Variants in IRF2BP2 observed in about 807,000 individuals in gnomAD.
IRF2BP2 encodes interferon regulatory factor 2-binding protein 2.
In IRF2BP2, 13 loss-of-function variants were observed where a neutral mutation model predicts 32.7. That is an observed-to-expected ratio of 0.40 (90% CI 0.26 to 0.63). The LOEUF (loss-of-function observed/expected upper bound fraction) is 0.63, where lower values mean the gene tolerates loss of function less well. IRF2BP2 is among the 30% of genes least tolerant of loss of function. The probability of loss-of-function intolerance (pLI) is 0.42; values close to 1 mark genes in which losing one functional copy is unlikely to be tolerated. For missense variants in IRF2BP2, 980 were observed against 830.6 expected, an observed-to-expected ratio of 1.18 and a Z score of -2.21; for synonymous variants, 555 against 384.6, an observed-to-expected ratio of 1.44 and a Z score of -5.18.
At chr1:234,608,041 T>C (rs1672215406) in intron 1 of IRF2BP2, 189 bp from the exon 2 acceptor site, 1 of 579,354 alleles carries the variant, frequency 1.7e-6, no homozygotes, top group Non-Finnish European at 3.0e-6. Context: ...TACGGGATTC[T>C]GAGGCAGCAG....
Position 234,607,753 on chromosome 1 carries a change from G to C in IRF2BP2, c.1148C>G (p.Ser383Cys). 3 of 1,614,122 alleles carry C rather than the reference G, an allele frequency of 1.9e-6. No homozygotes were observed. Among genetic ancestry groups the C allele is most frequent in the South Asian group, 1.1e-5 (1 of 91,082 alleles). ...CATGGGGATCTTGAGCCCCTCTGTG[G>C]ATGTGGACAGCCACGGCTGGGCCTC... is the stretch of plus-strand genomic sequence containing the variant. ...NGEAQPWLST[S>C]TEGLKIPMTP... The change falls in exon 2 of 2, where the codon TCC (serine) becomes TGC (cysteine). Residue 383 changes from serine to cysteine, a missense_variant. Ser to Cys is a moderately radical substitution (Grantham distance 112). Transcript: ENST00000366609.
chr1:234,609,278 G>C lies in IRF2BP2; in HGVS notation c.217C>G (p.Pro73Ala). The C allele has an allele frequency of 6.9e-7, 1 of 1,442,530 alleles. No individual in the cohort carries two copies. The highest frequency in any genetic ancestry group is 1.4e-5 in the South Asian group (1 of 71,654). The allele number at this position is 1,442,530 out of a possible 1,614,324, so 89.4% of individuals were successfully genotyped here. A position where few individuals can be genotyped will look rare whatever the true frequency, so the allele number is the denominator to read the frequency against. ...HGCFPEGRSP[P>A]GAAASAAAKP... ...GCGGCGGCCGAGGCCGCGGCGCCGGGTGGGGAGCGACCCTCCGGGAAGCAG... is the reference window on the plus strand; with the variant it reads ...GCGGCGGCCGAGGCCGCGGCGCCGGCTGGGGAGCGACCCTCCGGGAAGCAG... The change falls in exon 1 of 2, where the codon CCC becomes GCC. Residue 73 changes from proline to alanine, a missense_variant. Transcript: ENST00000366609.
rs763082303 is a variant in IRF2BP2 at position 234,609,527 on chromosome 1, CGGAGGAGGA to C, written c.-42_-34del. 7 of 1,367,762 alleles carry C rather than the reference CGGAGGAGGA, an allele frequency of 5.1e-6. No individual in the cohort carries two copies. Among genetic ancestry groups the C allele is most frequent in the African/African-American group, 3.0e-5 (2 of 65,912 alleles). 84.7% of individuals were successfully genotyped at this position (1,367,762 alleles called of 1,614,324 possible). A position where few individuals can be genotyped will look rare whatever the true frequency, so the allele number is the denominator to read the frequency against. ...GAGCCCGCGACGCCGGAGGAGGAGG[CGGAGGAGGA>C]GGAGGGGGCGCCGCCGCCGCCCCCC... On this transcript the variant is annotated 5_prime_UTR_variant, in exon 1 of 2. Coordinates refer to ENST00000366609, the MANE Select transcript of IRF2BP2 (RefSeq NM_182972.3).
rs1431711583 is a variant in IRF2BP2 at position 234,606,493 on chromosome 1, A to G, written c.*644T>C. ...AAAACAAAAAACCCCAAAAGACCAC[A>G]CAATCCTGAAAATTTCCCAGCAGCA... On this transcript the variant is annotated 3_prime_UTR_variant, in exon 2 of 2. Transcript: ENST00000366609. 1 of 152,132 alleles carries G rather than the reference A, an allele frequency of 6.6e-6. No individual in the cohort carries two copies. Among genetic ancestry groups the G allele is most frequent in the African/African-American group, 2.4e-5 (1 of 41,430 alleles). The allele number at this position is 152,132 out of a possible 1,614,324, so 9.4% of individuals were successfully genotyped here. A position where few individuals can be genotyped will look rare whatever the true frequency, so the allele number is the denominator to read the frequency against.
chr1:234,607,930 C>A (rs74147717), intron 1 of IRF2BP2, 78 bp from the exon 2 acceptor site: 1 of 1,177,594 alleles, frequency 8.5e-7, no homozygotes. Context: ...CTTCCTAACC[C>A]GAAACAAAAG....
chr1:234,609,515 C>CGGAGGA lies in IRF2BP2; in HGVS notation c.-27_-22dup, dbSNP rs765673830. ...GCCATGTCCGAGGAGCCCGCGACGC[C>CGGAGGA]GGAGGAGGAGGCGGAGGAGGAGGAG... On this transcript the variant is annotated 5_prime_UTR_variant, in exon 1 of 2. Coordinates refer to ENST00000366609, the MANE Select transcript of IRF2BP2 (RefSeq NM_182972.3). 2 of 1,430,882 alleles carry CGGAGGA rather than the reference C, an allele frequency of 1.4e-6. No homozygotes were observed. The highest frequency in any genetic ancestry group is 2.5e-5 in the Admixed American group (1 of 39,968). The allele number at this position is 1,430,882 out of a possible 1,614,324, so 88.6% of individuals were successfully genotyped here. A position where few individuals can be genotyped will look rare whatever the true frequency, so the allele number is the denominator to read the frequency against.
At position 234,608,600 on chromosome 1, in the gene IRF2BP2, C is replaced by T. The variant is rs773925341; in HGVS notation, c.895G>A (p.Val299Ile). Reference sequence around the variant, plus strand: ...TCGCGCACGGTCTTGGGCCTGTTGACCCAGTCCTGCTCTCCAGACCCGCGG... The same window carrying T: ...TCGCGCACGGTCTTGGGCCTGTTGATCCAGTCCTGCTCTCCAGACCCGCGG... The part of the protein sequence containing the change: ...KSRGSGEQDW[V>I]NRPKTVRDTL... Residue 299 changes from valine (V) to isoleucine (I), a missense_variant, in exon 1 of 2, where the codon GTC becomes ATC. By Grantham distance (29) the Val-to-Ile change is conservative. Coordinates refer to ENST00000366609, the MANE Select transcript of IRF2BP2 (RefSeq NM_182972.3). 2.5e-6 allele frequency: 4 copies of T among 1,597,924 alleles called. No homozygotes were observed. Among genetic ancestry groups the T allele is most frequent in the Non-Finnish European group, 2.6e-6 (3 of 1,173,834 alleles).
intron 1 of IRF2BP2, 77 bp from the exon 2 acceptor site, chr1:234,607,929 C>A (rs1464763599): frequency 2.9e-5 from 34 of 1,192,572 alleles, no homozygotes; most frequent in Non-Finnish European, 3.7e-5. Context: ...TCTTCCTAAC[C>A]CGAAACAAAA....
chr1:234,607,052 G>T lies in IRF2BP2; in HGVS notation c.*85C>A. On this transcript the variant is annotated 3_prime_UTR_variant, in exon 2 of 2. Coordinates refer to ENST00000366609, the MANE Select transcript of IRF2BP2 (RefSeq NM_182972.3). Reference sequence around the variant, plus strand: ...ATGAAGTCTACATTTCCCTTGTCTTGGATATATATATATATGGAGATATAT... The same window carrying T: ...ATGAAGTCTACATTTCCCTTGTCTTTGATATATATATATATGGAGATATAT... 2 of 947,610 alleles carry T rather than the reference G, an allele frequency of 2.1e-6. No homozygotes were observed. The highest frequency in any genetic ancestry group is 3.2e-6 in the Non-Finnish European group (2 of 624,066). 58.7% of individuals were successfully genotyped at this position (947,610 alleles called of 1,614,324 possible).
In IRF2BP2 at chr1:234,607,746, C is replaced by A. The variant is rs14739; in HGVS notation, c.1155G>T (p.Glu385Asp). 18 of 1,613,906 alleles carry A rather than the reference C, an allele frequency of 1.1e-5. No individual in the cohort carries two copies. Among genetic ancestry groups the A allele is most frequent in the Non-Finnish European group, 1.4e-5 (16 of 1,180,026 alleles). ...EAQPWLSTST[E>D]GLKIPMTPTS... Reference sequence around the variant, plus strand: ...TAGGAGTCATGGGGATCTTGAGCCCCTCTGTGGATGTGGACAGCCACGGCT... The same window carrying A: ...TAGGAGTCATGGGGATCTTGAGCCCATCTGTGGATGTGGACAGCCACGGCT... Residue 385 changes from glutamate (E) to aspartate (D), a missense_variant, in exon 2 of 2, where the codon GAG becomes GAT. Transcript: ENST00000366609.
chr1:234,608,751 C>G lies in IRF2BP2; in HGVS notation c.744G>C (p.Glu248Asp). The G allele has an allele frequency of 6.7e-7, 1 of 1,496,858 alleles. No homozygotes were observed. The highest frequency in any genetic ancestry group is 8.8e-7 in the Non-Finnish European group (1 of 1,133,654). The allele number at this position is 1,496,858 out of a possible 1,614,324, so 92.7% of individuals were successfully genotyped here. A position where few individuals can be genotyped will look rare whatever the true frequency, so the allele number is the denominator to read the frequency against. The change falls in exon 1 of 2, where the codon GAG (glutamate) becomes GAC (aspartate). Residue 248 changes from glutamate (E) to aspartate (D), a missense_variant. Physicochemically the swap from Glu to Asp is conservative, Grantham distance 45. Coordinates refer to ENST00000366609, the MANE Select transcript of IRF2BP2 (RefSeq NM_182972.3). ...PASVSSSAAV[E>D]HEQREAAAKE... ...TGGCTGCCGCCTCACGCTGCTCGTG[C>G]TCCACGGCAGCGCTGCTCGACACGG...
chr1:234,608,025 C>A (rs1377291076), intron 1 of IRF2BP2, 173 bp from the exon 2 acceptor site: 34 of 593,974 alleles, frequency 5.7e-5, no homozygotes, highest in Non-Finnish European at 9.1e-5. Context: ...TTAAAACCTT[C>A]AGGCGTACGG....
At chr1:234,608,122 C>G (rs1041120580) in intron 1 of IRF2BP2, 4 of 540,748 alleles carry the variant, frequency 7.4e-6, no homozygotes, top group Admixed American at 3.4e-5. Flanking sequence ...CACAAAAGTA[C>G]CCTCGTTTGC....
In IRF2BP2 at chr1:234,609,144, G is replaced by A. The variant is rs1486524823; in HGVS notation, c.351C>T (p.Tyr117=). 4 of 1,241,844 alleles carry A rather than the reference G, an allele frequency of 3.2e-6. No individual in the cohort carries two copies. The African/African-American group carries it at 4.7e-5, about 15-fold the overall frequency. 76.9% of individuals were successfully genotyped at this position (1,241,844 alleles called of 1,614,324 possible). ...APRAPQALER[Y]PLAAAAERPP... ...GCCTCTCGGCCGCGGCCGCCAACGG[G>A]TAGCGCTCCAAGGCCTGCGGCGCGC... Residue 117 remains tyrosine, a synonymous_variant, in exon 1 of 2, where the codon TAC becomes TAT. Coordinates refer to ENST00000366609, the MANE Select transcript of IRF2BP2 (RefSeq NM_182972.3).
Position 234,609,231 on chromosome 1 carries a change from G to A in IRF2BP2, c.264C>T (p.Ala88=), listed in dbSNP as rs1672271275. The change falls in exon 1 of 2, where the codon GCC becomes GCT. Residue 88 remains alanine, a synonymous_variant. Transcript: ENST00000366609. Reference sequence around the variant, plus strand: ...GCTGCTGCTGCAAAAGGATGTCCTTGGCGGAGAGCGGCGGCGGCTTGGCGG... The same window carrying A: ...GCTGCTGCTGCAAAAGGATGTCCTTAGCGGAGAGCGGCGGCGGCTTGGCGG... ...SAAAKPPPLS[A]KDILLQQQQQ... is the part of the protein sequence containing the mutation. 7.4e-7 allele frequency: 1 copy of A among 1,356,354 alleles called. No individual in the cohort carries two copies. Among genetic ancestry groups the A allele is most frequent in the South Asian group, 1.8e-5 (1 of 55,212 alleles). The allele number at this position is 1,356,354 out of a possible 1,614,324, so 84.0% of individuals were successfully genotyped here.
Position 234,608,568 on chromosome 1 carries a change from C to G in IRF2BP2, c.927G>C (p.Leu309=). 6.2e-7 allele frequency: 1 copy of G among 1,608,672 alleles called. No homozygotes were observed. The highest frequency in any genetic ancestry group is 1.1e-5 in the South Asian group (1 of 90,118). The change falls in exon 1 of 2, where the codon CTG becomes CTC. Residue 309 remains leucine (L), a synonymous_variant. Coordinates refer to ENST00000366609, the MANE Select transcript of IRF2BP2 (RefSeq NM_182972.3). ...AGTGGCCGTGCTGGTGCAGCGCCAG[C>G]AGCGTGTCGCGCACGGTCTTGGGCC... ...VNRPKTVRDT[L]LALHQHGHSG...
Position 234,607,856 on chromosome 1 carries a change from G to T in IRF2BP2, c.1049-4C>A, listed in dbSNP as rs765132847. The T allele has an allele frequency of 1.9e-6, 3 of 1,543,166 alleles. No homozygotes were observed. Among genetic ancestry groups the T allele is most frequent in the Non-Finnish European group, 2.6e-6 (3 of 1,144,356 alleles). On this transcript the variant is annotated splice_region_variant and splice_polypyrimidine_tract_variant and intron_variant, in intron 1 of 1. Coordinates refer to ENST00000366609, the MANE Select transcript of IRF2BP2 (RefSeq NM_182972.3). ...CTTTTCCTTGCTGTTCTTGCAACTG[G>T]AAACACAAAGAAATAAAAGGAAAAA...
In IRF2BP2 at chr1:234,606,943, TTTA is replaced by T. The variant is rs1443044768; in HGVS notation, c.*191_*193del. The T allele has an allele frequency of 8.1e-6, 4 of 495,710 alleles. No individual in the cohort carries two copies. In the East Asian group the frequency reaches 1.3e-4, roughly 16 times the overall value. 30.7% of individuals were successfully genotyped at this position (495,710 alleles called of 1,614,324 possible). ...AACGTTAACAAAAGAAAAAAATGTCTTTATAAGTACATACCTTTTGTCGTCAAA... is the reference window on the plus strand; with the variant it reads ...AACGTTAACAAAAGAAAAAAATGTCTTAAGTACATACCTTTTGTCGTCAAA... On this transcript the variant is annotated 3_prime_UTR_variant, in exon 2 of 2. Coordinates refer to ENST00000366609, the MANE Select transcript of IRF2BP2 (RefSeq NM_182972.3).
In IRF2BP2 at chr1:234,608,715, T is replaced by C. The variant is rs776204694; in HGVS notation, c.780A>G (p.Gln260=). 1.3e-6 allele frequency: 2 copies of C among 1,502,434 alleles called. No individual in the cohort carries two copies. The highest frequency in any genetic ancestry group is 2.5e-5 in the South Asian group (2 of 80,050). 93.1% of individuals were successfully genotyped at this position (1,502,434 alleles called of 1,614,324 possible). A position where few individuals can be genotyped will look rare whatever the true frequency, so the allele number is the denominator to read the frequency against. Residue 260 remains glutamine, a synonymous_variant, in exon 1 of 2, where the codon CAA becomes CAG. Transcript: ENST00000366609. Reference sequence around the variant, plus strand: ...GGCCCCGGTGCGCAGGCGGCGGCGGTTGTTTCTCCTTGGCTGCCGCCTCAC... The same window carrying C: ...GGCCCCGGTGCGCAGGCGGCGGCGGCTGTTTCTCCTTGGCTGCCGCCTCAC... ...EQREAAAKEK[Q]PPPPAHRGPA...
Sources: allele counts gnomAD v4.1 joint callset, GRCh38; gene constraint gnomAD v4.1.1; transcripts MANE v1.5; gene names NCBI Gene and HGNC (gene_info 2026-07-23, HGNC 2026-07-21).